The following KCNH7 variants were observed in gnomAD, a reference collection of about 807,000 sequenced individuals.
KCNH7 encodes the protein voltage-gated inwardly rectifying potassium channel KCNH7.
A neutral mutation model predicts 120.8 loss-of-function variants in KCNH7; 49 were observed. The observed-to-expected ratio is 0.41, with a 90% CI of 0.32 to 0.51. The LOEUF is 0.51. Ranked by LOEUF, KCNH7 falls within the 20% of genes least tolerant of loss-of-function variation. KCNH7 has a pLI of 0.38. For synonymous variants in KCNH7, 547 were observed against 516.1 expected, an observed-to-expected ratio of 1.06 and a Z score of -0.81; for missense variants, 1,097 against 1,446.6, an observed-to-expected ratio of 0.76 and a Z score of 3.92.
intron 2 of KCNH7, among the ~76,000 whole-genome samples, chr2:162,558,584 G>T (rs1241358848): frequency 6.7e-6 from 1 of 148,294 alleles, no homozygotes; most frequent in East Asian, 2.0e-4. Context: ...ATGTAGGAAT[G>T]GAAGCTAGAT....
intron 13 of KCNH7, among the ~76,000 whole-genome samples, chr2:162,383,976 G>A (rs1686501053): frequency 6.6e-6 from 1 of 151,648 alleles, no homozygotes; most frequent in South Asian, 2.1e-4. Flanking sequence ...GTCGTTACTG[G>A]TACCACTTAC....
intron 2 of KCNH7, among the ~76,000 whole-genome samples, chr2:162,760,222 C>T (rs766778945): frequency 3.3e-5 from 5 of 151,944 alleles, no homozygotes; most frequent in Non-Finnish European, 7.4e-5. Flanking sequence ...TTAGTAACCA[C>T]CTTGCATAAT....
chr2:162,644,869 C>T (rs1019681615), intron 2 of KCNH7, among the ~76,000 whole-genome samples: 1 of 152,156 alleles, frequency 6.6e-6, no homozygotes, highest in African/African-American at 2.4e-5. Flanking sequence ...AAATCACTAA[C>T]ACTGCAAAAT....
intron 2 of KCNH7, among the ~76,000 whole-genome samples, chr2:162,648,309 C>A (rs1464917237): frequency 1.3e-5 from 2 of 152,028 alleles, no homozygotes; most frequent in African/African-American, 4.8e-5. Flanking sequence ...GGAAGGGCCA[C>A]ACACTTCCAA....
At chr2:162,423,202 A>T in intron 9 of KCNH7, 134 bp downstream of exon 9, 1 of 1,553,618 alleles carries the variant, frequency 6.4e-7, no homozygotes, top group Non-Finnish European at 8.7e-7. Flanking sequence ...GACTATCTCC[A>T]GGGGAGAAAA....
At chr2:162,648,502 T>A (rs1684450982) in intron 2 of KCNH7, among the ~76,000 whole-genome samples, 1 of 152,170 alleles carries the variant, frequency 6.6e-6, no homozygotes, top group Admixed American at 6.5e-5. Context: ...AAGCTCTCCA[T>A]GGTCTAGCCT....
At position 162,631,316 on chromosome 2, in the gene KCNH7, A is replaced by C. The variant is rs1002560147; in HGVS notation, c.308-94236T>G. ...TTTACATTTTTGTTTCTGTACATTG[A>C]GGCAAATTGCATTTTTTCCCTGTGT... On this transcript the variant is annotated intron_variant, in intron 2 of 15. Transcript: ENST00000332142. Among the ~76,000 whole-genome samples, 4 of 152,158 alleles carry C rather than the reference A, an allele frequency of 2.6e-5. No individual in the cohort carries two copies. In the East Asian group the frequency reaches 7.7e-4, roughly 29 times the overall value.
Position 162,435,309 on chromosome 2 carries a change from C to G in KCNH7, c.1843G>C (p.Val615Leu). The G allele has an allele frequency of 6.2e-7, 1 of 1,613,810 alleles. No homozygotes were observed. The highest frequency in any genetic ancestry group is 8.5e-7 in the Non-Finnish European group (1 of 1,179,828). Residue 615 changes from valine (V) to leucine (L), a missense_variant, in exon 8 of 16, where the codon GTC becomes CTC. This residue lies in a region of KCNH7 where 36 missense variants were observed against 46.8 expected (regional missense o/e 0.77). Coordinates refer to ENST00000332142, the MANE Select transcript of KCNH7 (RefSeq NM_033272.4). ...CTGAAGGTAAAATAAAGTGCTGTGA[C>G]GTATTTGTCTTTAATGGATGGTCCA... ...SSGPSIKDKY[V>L]TALYFTFSSL...
intron 3 of KCNH7, among the ~76,000 whole-genome samples, chr2:162,535,040 T>A (rs1469286720): frequency 6.6e-6 from 1 of 151,792 alleles, no homozygotes; most frequent in African/African-American, 2.4e-5. Flanking sequence ...ATTTTACAAA[T>A]TTCAGCACCC....
chr2:162,548,771 T>G (rs1459302601), intron 2 of KCNH7, among the ~76,000 whole-genome samples: 2 of 152,204 alleles, frequency 1.3e-5, no homozygotes, highest in Non-Finnish European at 2.9e-5. Flanking sequence ...AATTTCCCTA[T>G]GTGTAAAATG....
At chr2:162,373,403 T>C (rs1359008666) in intron 15 of KCNH7, 67 bp downstream of exon 15, 2 of 1,145,468 alleles carry the variant, frequency 1.7e-6, no homozygotes, top group African/African-American at 3.2e-5. Context: ...CCCAAGTGAT[T>C]CTGATTAGGT....
intron 2 of KCNH7, among the ~76,000 whole-genome samples, chr2:162,640,394 A>G (rs912201275): frequency 4.6e-5 from 7 of 152,124 alleles, no homozygotes; most frequent in African/African-American, 1.7e-4. Flanking sequence ...AAATAGACCC[A>G]CATAAATATG....
At chr2:162,726,148 T>C (rs887668845) in intron 2 of KCNH7, among the ~76,000 whole-genome samples, 1 of 152,194 alleles carries the variant, frequency 6.6e-6, no homozygotes, top group East Asian at 1.9e-4. Context: ...ATAATTTTGA[T>C]CTATACACTA....
intron 2 of KCNH7, among the ~76,000 whole-genome samples, chr2:162,737,846 C>T (rs926578136): frequency 5.3e-5 from 8 of 152,094 alleles, no homozygotes; most frequent in African/African-American, 1.9e-4. Context: ...GGGTGGATCA[C>T]TTGAGGTCAG....
At position 162,837,286 on chromosome 2, in the gene KCNH7, G is replaced by A. The variant is rs559611009; in HGVS notation, c.77-519C>T. Among the ~76,000 whole-genome samples the A allele has an allele frequency of 3.9e-5, 6 of 152,272 alleles. No homozygotes were observed. In the East Asian group the frequency reaches 1.2e-3, roughly 29 times the overall value. On this transcript the variant is annotated intron_variant, in intron 1 of 15. Coordinates refer to ENST00000332142, the MANE Select transcript of KCNH7 (RefSeq NM_033272.4). ...ATCATGTTAAAAACAAAGGCAACTA[G>A]CTTTAGTAATGAAACTACTTCATAT...
intron 2 of KCNH7, among the ~76,000 whole-genome samples, chr2:162,586,764 C>A (rs1486417797): frequency 6.7e-6 from 1 of 149,972 alleles, no homozygotes; most frequent in Non-Finnish European, 1.5e-5. Flanking sequence ...AGAAATAGTG[C>A]AAAATATATG....
Position 162,384,937 on chromosome 2 carries a change from T to A in KCNH7, c.2713A>T (p.Asn905Tyr), listed in dbSNP as rs1250866966. 7 of 1,596,128 alleles carry A rather than the reference T, an allele frequency of 4.4e-6. No homozygotes were observed. In the Admixed American group the frequency reaches 1.2e-4, roughly 28 times the overall value. ...GAGTCTTCAGGATCATTTGTACTGTTTTCTTTGCCAAAATATATCAAAGAA... is the reference window on the plus strand; with the variant it reads ...GAGTCTTCAGGATCATTTGTACTGTATTCTTTGCCAAAATATATCAAAGAA... ...LSFESEGEKENSTNDPEDSAD... is the reference protein window; with the variant it reads ...LSFESEGEKEYSTNDPEDSAD... The change falls in exon 13 of 16, where the codon AAC becomes TAC. Residue 905 changes from asparagine (N) to tyrosine (Y), a missense_variant and splice_region_variant. This residue lies in a region of KCNH7 where 406 missense variants were observed against 410.5 expected (regional missense o/e 0.99). Transcript: ENST00000332142.
chr2:162,411,897 A>T (rs1687402826), intron 9 of KCNH7, among the ~76,000 whole-genome samples: 1 of 151,978 alleles, frequency 6.6e-6, no homozygotes, highest in Non-Finnish European at 1.5e-5. Flanking sequence ...GCTGCTGATG[A>T]TTGTATGCTT....
chr2:162,638,949 T>G (rs1446810323), intron 2 of KCNH7, among the ~76,000 whole-genome samples: 1 of 152,144 alleles, frequency 6.6e-6, no homozygotes, highest in African/African-American at 2.4e-5. Flanking sequence ...TTGGCACTAT[T>G]ATCATTTGAA....
Sources: allele counts gnomAD v4.1 joint callset (sites outside exome capture counted in the v4.1 genomes callset), GRCh38; gene constraint gnomAD v4.1.1; regional missense constraint gnomAD v4.1.1; transcripts MANE v1.5; gene names NCBI Gene and HGNC (gene_info 2026-07-23, HGNC 2026-07-21).